The following SDK1 variants were observed in gnomAD, a reference collection of about 807,000 sequenced individuals.
The protein encoded by SDK1 is protein sidekick-1.
Under a neutral mutation model 245.5 loss-of-function variants are expected in SDK1, and 157 were observed. The observed-to-expected ratio is 0.64, with a 90% confidence interval of 0.56 to 0.73. The LOEUF (loss-of-function observed/expected upper bound fraction) is 0.73. SDK1 is among the 30% of genes least tolerant of loss of function. The pLI is 0.00. For synonymous variants in SDK1, 1,647 were observed against 1,278.5 expected, an observed-to-expected ratio of 1.29 and a Z score of -6.15; for missense variants, 3,583 against 3,002.3, an observed-to-expected ratio of 1.19 and a Z score of -4.52.
chr7:3,787,904 G>T (rs561125068), intron 4 of SDK1, among the ~76,000 whole-genome samples: 29 of 152,336 alleles, frequency 1.9e-4, no homozygotes, highest in Non-Finnish European at 3.1e-4. Context: ...ATGGCTGTCA[G>T]TGTCACATGC....
intron 4 of SDK1, among the ~76,000 whole-genome samples, chr7:3,648,857 A>T (rs1435671988): frequency 2.6e-5 from 4 of 152,196 alleles, no homozygotes; most frequent in African/African-American, 9.6e-5. Flanking sequence ...GACCTTGGGA[A>T]AATTACTTAT....
Position 3,366,246 on chromosome 7 carries a change from C to G in SDK1, c.298+64362C>G, listed in dbSNP as rs566408450. Among the ~76,000 whole-genome samples the G allele has an allele frequency of 7.9e-5, 12 of 152,198 alleles. No homozygotes were observed. In the South Asian group the frequency reaches 2.5e-3, roughly 32 times the overall value. ...TGTTTTCATTCTTCCCAGTATCACC[C>G]TATAGGTAACCATTTTTATTACTTT... On this transcript the variant is annotated intron_variant, in intron 1 of 44. Transcript: ENST00000404826.
chr7:3,985,793 G>A (rs552403818), intron 13 of SDK1, among the ~76,000 whole-genome samples: 17 of 152,302 alleles, frequency 1.1e-4, no homozygotes, highest in Admixed American at 2.0e-4. Flanking sequence ...TAAATGGTGC[G>A]TATGGGTTAG....
intron 4 of SDK1, among the ~76,000 whole-genome samples, chr7:3,712,283 T>C (rs574993530): frequency 6.6e-6 from 1 of 152,300 alleles, no homozygotes; most frequent in Admixed American, 6.5e-5. Context: ...TATTGTGAAC[T>C]GTGCGTGTGA....
intron 5 of SDK1, among the ~76,000 whole-genome samples, chr7:3,881,201 CCT>C (rs1781200643): frequency 6.6e-6 from 1 of 152,100 alleles, no homozygotes; most frequent in Non-Finnish European, 1.5e-5. Context: ...CAACCCACCA[CCT>C]AGGTATTAAG....
At chr7:3,429,408 A>G (rs1779767499) in intron 1 of SDK1, among the ~76,000 whole-genome samples, 2 of 152,266 alleles carry the variant, frequency 1.3e-5, no homozygotes, top group Admixed American at 1.3e-4. Context: ...TGTTGTTTTT[A>G]ATCCAGGCCC....
intron 1 of SDK1, among the ~76,000 whole-genome samples, chr7:3,586,399 A>G (rs903085012): frequency 4.6e-5 from 7 of 151,954 alleles, no homozygotes; most frequent in Admixed American, 3.9e-4. Flanking sequence ...CCCATGATAT[A>G]TAGAAATAGA....
chr7:3,895,576 G>A (rs554727947), intron 5 of SDK1, among the ~76,000 whole-genome samples: 2 of 152,324 alleles, frequency 1.3e-5, no homozygotes, highest in East Asian at 3.9e-4. Flanking sequence ...AAGACAAGAA[G>A]CAACTCACGG....
chr7:3,452,183 CTTTCT>C (rs1780534502), intron 1 of SDK1, among the ~76,000 whole-genome samples: 1 of 152,176 alleles, frequency 6.6e-6, no homozygotes, highest in Admixed American at 6.5e-5. Context: ...GTCGTGTCAG[CTTTCT>C]TTAGGACAGG....
chr7:4,126,435 A>G (rs907214028), intron 25 of SDK1, among the ~76,000 whole-genome samples: 1 of 152,266 alleles, frequency 6.6e-6, no homozygotes, highest in Non-Finnish European at 1.5e-5. Context: ...ATGATCTTAC[A>G]TGTGGGCCGG....
intron 2 of SDK1, among the ~76,000 whole-genome samples, chr7:3,628,023 A>G (rs1034435058): frequency 1.3e-5 from 2 of 152,104 alleles, no homozygotes; most frequent in African/African-American, 4.8e-5. Flanking sequence ...TTAAGGACCA[A>G]AGGTACTACT....
chr7:3,641,468 G>C (rs1190484348), intron 3 of SDK1, among the ~76,000 whole-genome samples: 1 of 152,130 alleles, frequency 6.6e-6, no homozygotes, highest in Non-Finnish European at 1.5e-5. Context: ...CAGTGGTTAG[G>C]AAATATTGCT....
intron 2 of SDK1, among the ~76,000 whole-genome samples, chr7:3,634,682 C>G (rs1271105336): frequency 6.6e-6 from 1 of 152,234 alleles, no homozygotes; most frequent in Non-Finnish European, 1.5e-5. Flanking sequence ...ATATTCCCAT[C>G]TGTTAGGTGA....
At chr7:3,355,244 G>A (rs1166370930) in intron 1 of SDK1, among the ~76,000 whole-genome samples, 2 of 152,188 alleles carry the variant, frequency 1.3e-5, no homozygotes, top group East Asian at 1.9e-4. Context: ...CGTCATTCAC[G>A]TAGATTATGG....
chr7:3,675,325 G>T (rs112565135), intron 4 of SDK1, among the ~76,000 whole-genome samples: 77 of 152,228 alleles, frequency 5.1e-4, no homozygotes, highest in African/African-American at 1.8e-3. Context: ...AGTGATGGTC[G>T]TCTACAGCTG....
chr7:3,837,961 A>C (rs1562480779), intron 5 of SDK1, among the ~76,000 whole-genome samples: 1 of 152,184 alleles, frequency 6.6e-6, no homozygotes, highest in Non-Finnish European at 1.5e-5. Context: ...TGTCCTGACC[A>C]GGAAGACTTG....
chr7:3,451,053 C>T (rs1780497559), intron 1 of SDK1, among the ~76,000 whole-genome samples: 1 of 152,108 alleles, frequency 6.6e-6, no homozygotes, highest in African/African-American at 2.4e-5. Context: ...ATCAGTGGCT[C>T]AGGCAAGAGA....
intron 1 of SDK1, among the ~76,000 whole-genome samples, chr7:3,361,451 TC>T (rs1780949939): frequency 6.6e-6 from 1 of 152,230 alleles, no homozygotes; most frequent in Admixed American, 6.5e-5. Flanking sequence ...TGGCTTCTCT[TC>T]CCTTCCCAGC....
intron 1 of SDK1, among the ~76,000 whole-genome samples, chr7:3,530,849 A>G (rs1783319878): frequency 6.6e-6 from 1 of 152,228 alleles, no homozygotes; most frequent in Non-Finnish European, 1.5e-5. Flanking sequence ...TGAAAGAATT[A>G]ATCACTTATT....
Sources: allele counts gnomAD v4.1 joint callset (sites outside exome capture counted in the v4.1 genomes callset), GRCh38; gene constraint gnomAD v4.1.1; transcripts MANE v1.5; gene names NCBI Gene and HGNC (gene_info 2026-07-23, HGNC 2026-07-21).